ADAMTS6: variants seen among roughly 807,000 people sequenced by gnomAD.
ADAMTS6 encodes the protein ADAM metallopeptidase with thrombospondin type 1 motif 6.
In ADAMTS6, 23 loss-of-function variants were observed where a neutral mutation model predicts 144.3. The ratio of observed to expected loss-of-function variants is 0.16; its 90% CI spans 0.11 to 0.23. The LOEUF (loss-of-function observed/expected upper bound fraction) is 0.23, where lower values mean the gene tolerates loss of function less well. Ranked by LOEUF, ADAMTS6 falls within the 10% of genes least tolerant of loss-of-function variation. The probability of loss-of-function intolerance (pLI) is 1.00; values close to 1 mark genes in which losing one functional copy is unlikely to be tolerated. For synonymous variants in ADAMTS6, 444 were observed against 457.5 expected (o/e 0.97, Z 0.38); for missense variants, 999 against 1,379.6 (o/e 0.72, Z 4.37).
chr5:65,460,454 G>C, intron 3 of ADAMTS6, 116 bp from the exon 4 acceptor site: 1 of 924,822 alleles, frequency 1.1e-6, no homozygotes, highest in Non-Finnish European at 1.6e-6. Flanking sequence ...GTTAAAACAC[G>C]TTAATAAAAA....
chr5:65,242,099 A>G lies in ADAMTS6; in HGVS notation c.1933+5T>C, dbSNP rs1326416499. ...GCATGAATGCTCTGTCAGGTTATAC[A>G]TTACCTCCAGTATAGGGTTTCCAGT... On this transcript the variant is annotated splice_donor_5th_base_variant and intron_variant, in intron 15 of 24. Coordinates refer to ENST00000381055, the MANE Select transcript of ADAMTS6 (RefSeq NM_197941.4). 23 of 1,570,232 alleles carry G rather than the reference A, an allele frequency of 1.5e-5. No individual in the cohort carries two copies. Among genetic ancestry groups the G allele is most frequent in the Non-Finnish European group, 2.0e-5 (23 of 1,151,978 alleles).
intron 7 of ADAMTS6, among the ~76,000 whole-genome samples, chr5:65,423,051 G>A (rs144370333): frequency 1.3e-5 from 2 of 152,328 alleles, no homozygotes; most frequent in East Asian, 3.9e-4. Context: ...ATTGTTCTAA[G>A]TGAAGTAACT....
intron 20 of ADAMTS6, among the ~76,000 whole-genome samples, chr5:65,213,152 C>T (rs969056713): frequency 6.6e-6 from 1 of 152,104 alleles, no homozygotes; most frequent in South Asian, 2.1e-4. Context: ...AGCCATTTTA[C>T]ACATAAAATG....
chr5:65,314,246 T>C (rs1365714554), intron 9 of ADAMTS6, among the ~76,000 whole-genome samples: 1 of 152,030 alleles, frequency 6.6e-6, no homozygotes, highest in Non-Finnish European at 1.5e-5. Flanking sequence ...GGACTGAACA[T>C]GCGAAGGAAA....
At chr5:65,400,555 C>T (rs575141462) in intron 7 of ADAMTS6, among the ~76,000 whole-genome samples, 2 of 152,160 alleles carry the variant, frequency 1.3e-5, no homozygotes, top group South Asian at 2.1e-4. Context: ...AATTTAAAAG[C>T]GACATGCCTA....
At chr5:65,328,092 G>A (rs1461333643) in intron 9 of ADAMTS6, among the ~76,000 whole-genome samples, 1 of 152,058 alleles carries the variant, frequency 6.6e-6, no homozygotes, top group African/African-American at 2.4e-5. Context: ...TTCATTAAGA[G>A]TGTAATACTG....
intron 15 of ADAMTS6, among the ~76,000 whole-genome samples, chr5:65,227,031 G>C (rs532463692): frequency 6.6e-6 from 1 of 152,300 alleles, no homozygotes; most frequent in East Asian, 1.9e-4. Flanking sequence ...AACTAAATTT[G>C]TACCTGCCTT....
chr5:65,284,960 T>TAAAATAAAA (rs2112723058), intron 11 of ADAMTS6, among the ~76,000 whole-genome samples: 1 of 152,232 alleles, frequency 6.6e-6, no homozygotes, highest in South Asian at 2.1e-4. Context: ...AATTCTATAT[T>TAAAATAAAA]TACCTATAAA....
At chr5:65,325,601 C>T (rs573584398) in intron 9 of ADAMTS6, among the ~76,000 whole-genome samples, 61 of 151,486 alleles carry the variant, frequency 4.0e-4, no homozygotes, top group Admixed American at 1.1e-3. Flanking sequence ...GCTCAGCTAT[C>T]CTCCCACCTC....
intron 14 of ADAMTS6, among the ~76,000 whole-genome samples, chr5:65,243,415 A>C (rs1337986276): frequency 1.3e-5 from 2 of 152,130 alleles, no homozygotes; most frequent in African/African-American, 4.8e-5. Context: ...AATACGGTTC[A>C]ATTTTCACCA....
intron 14 of ADAMTS6, 59 bp downstream of exon 14, chr5:65,260,541 T>G (rs566852447): frequency 1.7e-4 from 246 of 1,410,446 alleles, no homozygotes; most frequent in Non-Finnish European, 2.2e-4. Flanking sequence ...TTAAAAAAAT[T>G]TCCCTACTCT....
At position 65,451,584 on chromosome 5, in the gene ADAMTS6, G is replaced by C; in HGVS notation, c.964C>G (p.Leu322Val). ...LEINHHADKS[L>V]DSFCKWQKSI... The stretch of plus-strand genomic sequence containing the variant: ...TTCTGCCATTTACAGAAGCTATCGA[G>C]GGACTTGTCTGCATGGTGGTTTATC... The change falls in exon 7 of 25, where the codon CTC becomes GTC. Residue 322 changes from leucine to valine, a missense_variant. Leu to Val is a conservative substitution (Grantham distance 32). Coordinates refer to ENST00000381055, the MANE Select transcript of ADAMTS6 (RefSeq NM_197941.4). 6.2e-7 allele frequency: 1 copy of C among 1,613,084 alleles called. No individual in the cohort carries two copies. Among genetic ancestry groups the C allele is most frequent in the South Asian group, 1.1e-5 (1 of 90,946 alleles).
chr5:65,299,953 C>T lies in ADAMTS6; in HGVS notation c.1370+32G>A, dbSNP rs1743199399. On this transcript the variant is annotated intron_variant, in intron 10 of 24. Transcript: ENST00000381055. ...TTCTACCAGTGGCTTACTTCTGGAGCTATTTATCATCACTCTCCAGAGATT... is the reference window on the plus strand; with the variant it reads ...TTCTACCAGTGGCTTACTTCTGGAGTTATTTATCATCACTCTCCAGAGATT... 5 of 1,596,566 alleles carry T rather than the reference C, an allele frequency of 3.1e-6. No homozygotes were observed. The African/African-American group carries it at 4.0e-5, about 13-fold the overall frequency.
intron 7 of ADAMTS6, among the ~76,000 whole-genome samples, chr5:65,406,630 A>C (rs1025055111): frequency 2.0e-5 from 3 of 152,096 alleles, no homozygotes; most frequent in Admixed American, 6.6e-5. Context: ...TGTATTTGCC[A>C]GGCTTTGGTA....
intron 9 of ADAMTS6, among the ~76,000 whole-genome samples, chr5:65,320,754 T>C (rs953230116): frequency 1.3e-5 from 2 of 152,158 alleles, no homozygotes; most frequent in African/African-American, 2.4e-5. Flanking sequence ...TATGTGTCCA[T>C]ATGTTCTCAT....
intron 14 of ADAMTS6, among the ~76,000 whole-genome samples, chr5:65,257,147 G>A (rs553034882): frequency 2.6e-5 from 4 of 151,774 alleles, no homozygotes; most frequent in Admixed American, 1.3e-4. Flanking sequence ...TTATTAAGGA[G>A]TTTGATAGCC....
chr5:65,321,840 C>A (rs1745644962), intron 9 of ADAMTS6, among the ~76,000 whole-genome samples: 1 of 151,384 alleles, frequency 6.6e-6, no homozygotes, highest in African/African-American at 2.4e-5. Context: ...CTCAGCCTCC[C>A]AAGTAGCTGG....
At chr5:65,405,982 T>C (rs1272460651) in intron 7 of ADAMTS6, among the ~76,000 whole-genome samples, 2 of 152,226 alleles carry the variant, frequency 1.3e-5, no homozygotes, top group Non-Finnish European at 2.9e-5. Flanking sequence ...CTTGTGATTT[T>C]TACACATTGA....
intron 7 of ADAMTS6, among the ~76,000 whole-genome samples, chr5:65,418,275 C>T (rs1038147467): frequency 1.3e-5 from 2 of 152,062 alleles, no homozygotes; most frequent in African/African-American, 4.8e-5. Flanking sequence ...TAGTAGAAAA[C>T]CTGGGAAACA....
Sources: allele counts gnomAD v4.1 joint callset (sites outside exome capture counted in the v4.1 genomes callset), GRCh38; gene constraint gnomAD v4.1.1; transcripts MANE v1.5; gene names NCBI Gene and HGNC (gene_info 2026-07-23, HGNC 2026-07-21).